PCDHA5: variants seen among roughly 807,000 people sequenced by gnomAD.
PCDHA5 encodes the protein protocadherin alpha-5.
PCDHA5 carries 43 observed loss-of-function variants against 61.6 expected under a neutral mutation model. The observed-to-expected ratio is 0.70, with a 90% CI of 0.55 to 0.90. The LOEUF is 0.90. Ranked by LOEUF, PCDHA5 falls within the 40% of genes least tolerant of loss-of-function variation. The probability of loss-of-function intolerance (pLI) is 0.00; values close to 1 mark genes in which losing one functional copy is unlikely to be tolerated. For missense variants in PCDHA5, 1,298 were observed against 1,222.7 expected, an observed-to-expected ratio of 1.06 and a Z score of -0.92; for synonymous variants, 627 against 543.9, an observed-to-expected ratio of 1.15 and a Z score of -2.13.
intron 1 of PCDHA5, chr5:140,870,383 G>C: frequency 6.2e-7 from 1 of 1,614,242 alleles, no homozygotes; most frequent in South Asian, 1.1e-5. Flanking sequence ...GTGACTGCGC[G>C]GGATGGGGGT....
intron 1 of PCDHA5, chr5:140,865,001 C>T (rs185152337): frequency 6.6e-6 from 1 of 152,206 alleles, no homozygotes; most frequent in East Asian, 1.9e-4. Flanking sequence ...AGTTTGAGAC[C>T]AGCCTCGGCA....
In PCDHA5 at chr5:140,938,797, G is replaced by T. The variant is rs76361474; in HGVS notation, c.2353-40152G>T. On this transcript the variant is annotated intron_variant, in intron 1 of 3. Coordinates refer to ENST00000529859, the MANE Select transcript of PCDHA5 (RefSeq NM_018908.3). Reference sequence around the variant, plus strand: ...TTAGTACCTGAATGATGAAATAATCGGTACCACAAACCCCTGTGACATGAG... The same window carrying T: ...TTAGTACCTGAATGATGAAATAATCTGTACCACAAACCCCTGTGACATGAG... Among the ~76,000 whole-genome samples, 827 of 152,042 alleles carry T rather than the reference G, an allele frequency of 5.4e-3. 3 individuals carry two copies. Among genetic ancestry groups the T allele is most frequent in the African/African-American group, 0.019 (796 of 41,444 alleles).
chr5:141,009,929 G>T lies in PCDHA5; in HGVS notation c.2803G>T (p.Asp935Tyr). Residue 935 changes from aspartate to tyrosine, a missense_variant, in exon 4 of 4, where the codon GAC becomes TAC. Transcript: ENST00000529859. Reference protein sequence around the residue: ...EKGNSTTDNSDQ With the variant: ...EKGNSTTDNSYQ ...AGGGAACAGCACGACTGACAACAGT[G>T]ACCAGTGAGGTCCTCAAATGGAAAC... 1 of 1,603,730 alleles carries T rather than the reference G, an allele frequency of 6.2e-7. No homozygotes were observed. The highest frequency in any genetic ancestry group is 1.1e-5 in the South Asian group (1 of 89,000).
intron 1 of PCDHA5, among the ~76,000 whole-genome samples, chr5:140,940,019 T>C (rs1554213082): frequency 6.6e-6 from 1 of 152,230 alleles, no homozygotes; most frequent in East Asian, 1.9e-4. Context: ...TTGTGTCATA[T>C]GTTTTAAGGC....
At chr5:140,904,275 C>A (rs169087) in intron 1 of PCDHA5, among the ~76,000 whole-genome samples, 7,060 of 152,068 alleles carry the variant, frequency 0.046, 292 homozygotes, top group African/African-American at 0.11. Flanking sequence ...TGAATGAGAA[C>A]ATGTGGTGTT....
intron 1 of PCDHA5, chr5:140,836,034 C>T (rs2150251193): frequency 1.2e-6 from 2 of 1,613,480 alleles, no homozygotes; most frequent in Non-Finnish European, 1.7e-6. Context: ...CAACGTGACG[C>T]TGCAGGTGTT....
chr5:140,934,523 C>T (rs782685676), intron 1 of PCDHA5, among the ~76,000 whole-genome samples: 15 of 152,236 alleles, frequency 9.9e-5, no homozygotes, highest in South Asian at 8.3e-4. Context: ...GACCACACTT[C>T]GAGAGCTACC....
intron 1 of PCDHA5, chr5:140,862,697 T>C (rs2047497328): frequency 1.8e-6 from 1 of 556,706 alleles, no homozygotes; most frequent in East Asian, 5.0e-5. Context: ...TACTCGTTGA[T>C]GGAACAGCGG....
intron 3 of PCDHA5, among the ~76,000 whole-genome samples, chr5:141,005,547 C>A (rs2098220537): frequency 6.6e-6 from 1 of 150,736 alleles, no homozygotes; most frequent in South Asian, 2.1e-4. Flanking sequence ...ACTAAAAATA[C>A]AAAAATTAGC....
intron 1 of PCDHA5, chr5:140,830,609 TTTTA>T: frequency 4.9e-6 from 3 of 615,770 alleles, no homozygotes; most frequent in Admixed American, 3.9e-5. Flanking sequence ...CATATTTTCA[TTTTA>T]TTGTGTTTCT....
chr5:140,923,792 T>G (rs2081513332), intron 1 of PCDHA5, among the ~76,000 whole-genome samples: 1 of 152,310 alleles, frequency 6.6e-6, no homozygotes, highest in South Asian at 2.1e-4. Flanking sequence ...CTTCATTCTT[T>G]TCACAAATGA....
chr5:140,876,256 A>G (rs1554168418), intron 1 of PCDHA5: 1 of 1,614,042 alleles, frequency 6.2e-7, no homozygotes, highest in East Asian at 2.2e-5. Context: ...CACAAGAGTG[A>G]TCCAACTAAA....
rs2150120305 is a variant in PCDHA5, at chr5:140,822,914, C to A, written c.1139C>A (p.Ala380Asp). The A allele has an allele frequency of 6.2e-7, 1 of 1,614,246 alleles. No individual in the cohort carries two copies. The highest frequency in any genetic ancestry group is 8.5e-7 in the Non-Finnish European group (1 of 1,180,052). Residue 380 changes from alanine (A) to aspartate (D), a missense_variant, in exon 1 of 4, where the codon GCC (alanine) becomes GAC (aspartate). Ala to Asp is a moderately radical substitution (Grantham distance 126). Transcript: ENST00000529859. ...AGCGTGTCTGACCGTGACTCAGGTG[C>A]CAACGGGCAGGTGACCTGCTCCCTA... ...LISVSDRDSG[A>D]NGQVTCSLMP... is the part of the protein sequence containing the mutation.
In PCDHA5 at chr5:141,011,816, A is replaced by G. The variant is rs1382441831; in HGVS notation, c.*1879A>G. The G allele has an allele frequency of 1.3e-5, 2 of 153,794 alleles. No homozygotes were observed. Among genetic ancestry groups the G allele is most frequent in the Admixed American group, 1.3e-4 (2 of 15,280 alleles). The allele number at this position is 153,794 out of a possible 1,614,324, so 9.5% of individuals were successfully genotyped here. On this transcript the variant is annotated 3_prime_UTR_variant, in exon 4 of 4. Transcript: ENST00000529859. ...TCTGAAATATCAGCTCATAGAAAGT[A>G]ACAAAATTTGCTGTCACCTTAAATA...
intron 1 of PCDHA5, among the ~76,000 whole-genome samples, chr5:140,901,967 T>C (rs2069024315): frequency 6.6e-6 from 1 of 152,134 alleles, no homozygotes; most frequent in East Asian, 1.9e-4. Flanking sequence ...CTATCGTAAA[T>C]GGGATTACTT....
chr5:140,926,726 C>T, intron 1 of PCDHA5: 1 of 1,046,502 alleles, frequency 9.6e-7, no homozygotes, highest in Non-Finnish European at 1.3e-6. Flanking sequence ...GCAATGCCGG[C>T]GTTCGGGAGG....
At chr5:140,901,654 T>C (rs1274474554) in intron 1 of PCDHA5, among the ~76,000 whole-genome samples, 6 of 152,194 alleles carry the variant, frequency 3.9e-5, no homozygotes. Flanking sequence ...GTTTTGTTCT[T>C]TTTGCTCAAG....
Position 140,869,207 on chromosome 5 carries a change from T to C in PCDHA5, c.2352+45080T>C, listed in dbSNP as rs781925229. ...GGGAGCGGCCAGCTCCACTACTCCG[T>C]CTCGGAGGAGGCCAAACACGGCACC... On this transcript the variant is annotated intron_variant, in intron 1 of 3. Transcript: ENST00000529859. 3.7e-6 allele frequency: 6 copies of C among 1,613,842 alleles called. No homozygotes were observed. The African/African-American group carries it at 5.3e-5, about 14-fold the overall frequency.
At chr5:140,888,189 T>C (rs1554183360) in intron 1 of PCDHA5, among the ~76,000 whole-genome samples, 2 of 152,344 alleles carry the variant, frequency 1.3e-5, no homozygotes. Flanking sequence ...TTGTGAATTT[T>C]ACATTGTCGG....
Sources: allele counts gnomAD v4.1 joint callset (sites outside exome capture counted in the v4.1 genomes callset), GRCh38; gene constraint gnomAD v4.1.1; transcripts MANE v1.5; gene names NCBI Gene and HGNC (gene_info 2026-07-23, HGNC 2026-07-21).